GOT1: variants seen among roughly 807,000 people sequenced by gnomAD.
GOT1 encodes glutamic-oxaloacetic transaminase 1.
In GOT1, 25 loss-of-function variants were observed where a neutral mutation model predicts 48.2. The observed-to-expected ratio is 0.52, with a 90% CI of 0.38 to 0.72. GOT1 has a LOEUF of 0.72. GOT1 is among the 30% of genes least tolerant of loss of function. GOT1 has a pLI of 0.00. For missense variants in GOT1, 380 were observed against 520.1 expected, an observed-to-expected ratio of 0.73 and a Z score of 2.62; for synonymous variants, 188 against 193.8, an observed-to-expected ratio of 0.97 and a Z score of 0.25.
chr10:99,402,641 G>A lies in GOT1; in HGVS notation c.1041C>T (p.Thr347=). Residue 347 remains threonine, a synonymous_variant, in exon 8 of 9, where the codon ACC becomes ACT. Coordinates refer to ENST00000370508, the MANE Select transcript of GOT1 (RefSeq NM_002079.3). ...ELRARLEALK[T]PGTWNHITDQ... ...CAGTGATGTGGTTCCAGGTCCCAGG[G>A]GTTTTGAGGGCTTCTAGTCGTGCCC... 1 of 1,614,104 alleles carries A rather than the reference G, an allele frequency of 6.2e-7. No individual in the cohort carries two copies. Among genetic ancestry groups the A allele is most frequent in the Non-Finnish European group, 8.5e-7 (1 of 1,179,942 alleles).
chr10:99,403,982 AT>A, intron 5 of GOT1, 108 bp from the exon 6 acceptor site: 1 of 981,472 alleles, frequency 1.0e-6, no homozygotes, highest in South Asian at 1.5e-5. Flanking sequence ...AATGCTGTCC[AT>A]TTCTCCTATT....
At chr10:99,428,660 A>G (rs1398668761) in intron 1 of GOT1, among the ~76,000 whole-genome samples, 1 of 152,194 alleles carries the variant, frequency 6.6e-6, no homozygotes, top group African/African-American at 2.4e-5. Flanking sequence ...GGCAGGCAAA[A>G]TCTGACGTTT....
intron 2 of GOT1, among the ~76,000 whole-genome samples, chr10:99,408,796 G>A (rs960203562): frequency 2.6e-5 from 4 of 152,194 alleles, no homozygotes; most frequent in African/African-American, 7.2e-5. Flanking sequence ...AGGGGTCCAA[G>A]GATGTAGGAA....
At position 99,403,733 on chromosome 10, in the gene GOT1, C is replaced by G; in HGVS notation, c.784G>C (p.Gly262Arg). The change falls in exon 6 of 9, where the codon GGG becomes CGG. Residue 262 changes from glycine to arginine, a missense_variant. Transcript: ENST00000370508. ...TCAGGAGAGCACTCACTGTAGAGCC[C>G]GAAGTTCTTGGAGAAGGACTGGGCA... ...FCAQSFSKNF[G>R]LYNERVGNLT... is the part of the protein sequence containing the mutation. The G allele has an allele frequency of 6.2e-7, 1 of 1,614,114 alleles. No homozygotes were observed. The highest frequency in any genetic ancestry group is 8.5e-7 in the Non-Finnish European group (1 of 1,180,008).
chr10:99,420,701 G>A lies in GOT1; in HGVS notation c.223C>T (p.Leu75=). ...CAGCTCCGGAACTCAGCCAGGCCCA[G>A]GATTGGCAGATACTCGTGATTTAGG... is the stretch of plus-strand genomic sequence containing the variant. The part of the protein sequence containing the change: ...NSLNHEYLPI[L]GLAEFRSCAS... Residue 75 remains leucine, a synonymous_variant, in exon 2 of 9, where the codon CTG becomes TTG. Transcript: ENST00000370508. The A allele has an allele frequency of 1.2e-6, 2 of 1,614,014 alleles. No homozygotes were observed. The highest frequency in any genetic ancestry group is 1.7e-6 in the Non-Finnish European group (2 of 1,179,924).
intron 1 of GOT1, among the ~76,000 whole-genome samples, chr10:99,424,729 T>C (rs1045739881): frequency 6.6e-6 from 1 of 152,154 alleles, no homozygotes; most frequent in Non-Finnish European, 1.5e-5. Context: ...ATTGTGTCTA[T>C]ACTGTGACTA....
Position 99,430,475 on chromosome 10 carries a change from G to A in GOT1, c.91C>T (p.Pro31Ser). 1 of 1,611,406 alleles carries A rather than the reference G, an allele frequency of 6.2e-7. No individual in the cohort carries two copies. The highest frequency in any genetic ancestry group is 8.5e-7 in the Non-Finnish European group (1 of 1,178,280). ...LTADFREDPD[P>S]RKVNLGVGAY... ...CCCACTCCCAGGTTGACCTTGCGGG[G>A]GTCCGGATCCTCCCTGAAGTCGGCA... is the stretch of plus-strand genomic sequence containing the variant. The change falls in exon 1 of 9, where the codon CCC becomes TCC. Residue 31 changes from proline to serine, a missense_variant. Transcript: ENST00000370508.
At chr10:99,425,302 G>A (rs2033024692) in intron 1 of GOT1, among the ~76,000 whole-genome samples, 1 of 152,234 alleles carries the variant, frequency 6.6e-6, no homozygotes, top group African/African-American at 2.4e-5. Context: ...CTAAGGATTA[G>A]CTGGGAGTGG....
At chr10:99,405,692 C>G (rs763858348) in intron 5 of GOT1, 64 bp downstream of exon 5, 90 of 829,514 alleles carry the variant, frequency 1.1e-4, no homozygotes, top group Non-Finnish European at 1.8e-4. Flanking sequence ...ACAGGTATTG[C>G]TTCTACATAC....
intron 2 of GOT1, among the ~76,000 whole-genome samples, chr10:99,416,230 C>T (rs2032893119): frequency 2.0e-5 from 3 of 152,158 alleles, no homozygotes; most frequent in Non-Finnish European, 4.4e-5. Flanking sequence ...AGCTGATGAG[C>T]CACTTCAGCA....
At chr10:99,430,358 G>A (rs2033101847) in intron 1 of GOT1, 90 bp downstream of exon 1, 4 of 1,607,360 alleles carry the variant, frequency 2.5e-6, no homozygotes, top group African/African-American at 2.7e-5. Flanking sequence ...GCGCCACACT[G>A]GGCCTCGGCT....
In GOT1 at chr10:99,397,224, T is replaced by G. The variant is rs1126878; in HGVS notation, c.*323A>C. The stretch of plus-strand genomic sequence containing the variant: ...AATTTGTACAGAGTCAAACACCACA[T>G]AGAAGCACGTGGCCGCCACACACAA... On this transcript the variant is annotated 3_prime_UTR_variant, in exon 9 of 9. Coordinates refer to ENST00000370508, the MANE Select transcript of GOT1 (RefSeq NM_002079.3). This position sits in a 1 kb window ranked among gnomAD's most constrained non-coding sequence, Gnocchi z 5.4. 18,923 of 256,322 alleles carry G rather than the reference T, an allele frequency of 0.074. 1,399 individuals carry two copies. The highest frequency in any genetic ancestry group is 0.22 in the African/African-American group (10,329 of 46,052). The allele number at this position is 256,322 out of a possible 1,614,324, so 15.9% of individuals were successfully genotyped here.
intron 4 of GOT1, 53 bp from the exon 5 acceptor site, chr10:99,405,913 CAG>C (rs747927369): frequency 1.7e-4 from 169 of 1,022,654 alleles, no homozygotes; most frequent in Admixed American, 2.5e-4. Flanking sequence ...TATTGGGAGA[CAG>C]AGTCAGCAGC....
At chr10:99,413,341 T>C (rs1400592729) in intron 2 of GOT1, among the ~76,000 whole-genome samples, 1 of 152,082 alleles carries the variant, frequency 6.6e-6, no homozygotes, top group Non-Finnish European at 1.5e-5. Flanking sequence ...AGGGTATCAG[T>C]GATGGAAGAT....
chr10:99,403,011 T>G (rs989577679), intron 7 of GOT1, among the ~76,000 whole-genome samples: 25 of 152,194 alleles, frequency 1.6e-4, no homozygotes, highest in African/African-American at 5.8e-4. Context: ...CTATAGATAT[T>G]AATAGGGCAA....
chr10:99,406,008 C>T, intron 4 of GOT1, 129 bp downstream of exon 4: 1 of 800,790 alleles, frequency 1.2e-6, no homozygotes, highest in Non-Finnish European at 2.2e-6. Context: ...CTCTTACATG[C>T]TATGTCAGAA....
intron 3 of GOT1, 109 bp downstream of exon 3, chr10:99,406,615 AAC>A (rs1292510342): frequency 1.9e-6 from 2 of 1,075,378 alleles, no homozygotes; most frequent in African/African-American, 3.1e-5. Context: ...AGCCATTCCC[AAC>A]AGTCAGTTGT....
At chr10:99,407,654 G>A (rs1348729018) in intron 2 of GOT1, among the ~76,000 whole-genome samples, 3 of 151,824 alleles carry the variant, frequency 2.0e-5, no homozygotes, top group Non-Finnish European at 4.4e-5. Flanking sequence ...GGTTGGTCTC[G>A]AACTCCTGAC....
rs971824280 is a variant in GOT1 at position 99,396,920 on chromosome 10, G to A, written c.*627C>T. 1 of 152,258 alleles carries A rather than the reference G, an allele frequency of 6.6e-6. No individual in the cohort carries two copies. The highest frequency in any genetic ancestry group is 1.5e-5 in the Non-Finnish European group (1 of 68,096). 9.4% of individuals were successfully genotyped at this position (152,258 alleles called of 1,614,324 possible). A position where few individuals can be genotyped will look rare whatever the true frequency, so the allele number is the denominator to read the frequency against. ...TTTTTAGGTGAAGTAGAACACAATA[G>A]AATGGCTCAAAAATATCAGAATGCA... On this transcript the variant is annotated 3_prime_UTR_variant, in exon 9 of 9. Transcript: ENST00000370508.
Sources: gnomAD v4.1 joint callset for allele counts (sites outside exome capture counted in the v4.1 genomes callset) on GRCh38, gnomAD v4.1.1 for gene constraint, Gnocchi (gnomAD v3.1) non-coding constraint, MANE v1.5 for transcripts, NCBI Gene and HGNC (gene_info 2026-07-23, HGNC 2026-07-21) for gene names.